The following XKR9 variants were observed in gnomAD, a reference collection of about 807,000 sequenced individuals.
XKR9 encodes the protein XK related 9.
Under a neutral mutation model 32.0 loss-of-function variants are expected in XKR9, and 32 were observed. That is an observed-to-expected ratio of 1.00 (90% CI 0.76 to 1.34). The LOEUF (loss-of-function observed/expected upper bound fraction) is 1.34. Among genes scored for constraint, XKR9 ranks in the 40% most tolerant of loss-of-function variants. XKR9 has a pLI of 0.00. For missense variants in XKR9, 546 were observed against 429.7 expected, an observed-to-expected ratio of 1.27 and a Z score of -2.39; for synonymous variants, 168 against 143.4, an observed-to-expected ratio of 1.17 and a Z score of -1.22.
the XKR9 span, among the ~76,000 whole-genome samples, chr8:70,869,369 G>A: frequency 1.1e-4 from 16 of 152,298 alleles, no homozygotes; most frequent in South Asian, 3.3e-3. Flanking sequence ...ATGGCAGAAG[G>A]CAAGAAAGAG....
intron 4 of XKR9, among the ~76,000 whole-genome samples, chr8:70,710,417 C>G (rs1246452622): frequency 6.6e-6 from 1 of 152,074 alleles, no homozygotes; most frequent in Non-Finnish European, 1.5e-5. Flanking sequence ...AAAATGATTG[C>G]AGGCTGGGCA....
At chr8:71,048,087 G>A in the XKR9 span, among the ~76,000 whole-genome samples, 1 of 152,248 alleles carries the variant, frequency 6.6e-6, no homozygotes, top group East Asian at 1.9e-4. Context: ...CACATTCCGT[G>A]TGTGAGGGAG....
At chr8:70,813,416 G>A in the XKR9 span, among the ~76,000 whole-genome samples, 1 of 152,130 alleles carries the variant, frequency 6.6e-6, no homozygotes, top group African/African-American at 2.4e-5. Context: ...AAAAGCAATG[G>A]CAACAAAAAC....
At chr8:70,937,873 T>G in the XKR9 span, among the ~76,000 whole-genome samples, 1 of 152,238 alleles carries the variant, frequency 6.6e-6, no homozygotes, top group Non-Finnish European at 1.5e-5. Flanking sequence ...TCTACCATTT[T>G]ATTTTCCCAT....
chr8:70,762,423 T>G (rs544212541), intron 2 of XKR9, among the ~76,000 whole-genome samples: 1 of 152,296 alleles, frequency 6.6e-6, no homozygotes, highest in African/African-American at 2.4e-5. Context: ...CATTACCACC[T>G]GAGCTCCACC....
chr8:71,006,435 C>G, the XKR9 span, among the ~76,000 whole-genome samples: 1 of 152,156 alleles, frequency 6.6e-6, no homozygotes, highest in Non-Finnish European at 1.5e-5. Context: ...AAAGATTGGA[C>G]ACTCCTGCCT....
At chr8:70,802,926 G>C in the XKR9 span, among the ~76,000 whole-genome samples, 4 of 152,150 alleles carry the variant, frequency 2.6e-5, no homozygotes, top group African/African-American at 9.7e-5. Context: ...ATGACAATGT[G>C]GCTTGGGGGT....
intron 4 of XKR9, among the ~76,000 whole-genome samples, chr8:70,721,494 A>G (rs779200636): frequency 3.3e-5 from 5 of 152,098 alleles, no homozygotes; most frequent in Non-Finnish European, 7.4e-5. Flanking sequence ...AGATTCTGGT[A>G]TGTTGTGTCT....
the XKR9 span, among the ~76,000 whole-genome samples, chr8:70,900,909 T>A: frequency 6.6e-6 from 1 of 152,288 alleles, no homozygotes; most frequent in East Asian, 1.9e-4. Context: ...ACATGTGGTG[T>A]TTAGTTTTCT....
the XKR9 span, among the ~76,000 whole-genome samples, chr8:70,931,735 A>G: frequency 6.6e-6 from 1 of 152,198 alleles, no homozygotes; most frequent in Non-Finnish European, 1.5e-5. Context: ...GGGAGCAGGT[A>G]TATCATGTGG....
At chr8:71,003,446 CT>C in the XKR9 span, among the ~76,000 whole-genome samples, 22 of 149,690 alleles carry the variant, frequency 1.5e-4, no homozygotes, top group East Asian at 7.8e-4. Context: ...TTTTCAGTTT[CT>C]TTTTTTTTTC....
At chr8:70,903,081 G>T in the XKR9 span, among the ~76,000 whole-genome samples, 1 of 152,154 alleles carries the variant, frequency 6.6e-6, no homozygotes, top group East Asian at 1.9e-4. Context: ...GTTCATTAGG[G>T]ATATTGGTCT....
chr8:70,759,196 C>T lies in XKR9; in HGVS notation n.353-30143C>T, dbSNP rs543094946. On this transcript the variant is annotated intron_variant and non_coding_transcript_variant, in intron 2 of 3. Coordinates refer to the XKR9 transcript ENST00000520273. Reference sequence around the variant, plus strand: ...CTAGAATTTTCTTGCCAAATGTTTTCTATTTGGTAGAAAAGAATGCAAGCT... The same window carrying T: ...CTAGAATTTTCTTGCCAAATGTTTTTTATTTGGTAGAAAAGAATGCAAGCT... Among the ~76,000 whole-genome samples the T allele has an allele frequency of 2.0e-5, 3 of 152,218 alleles. No homozygotes were observed. The East Asian group carries it at 5.8e-4, about 29-fold the overall frequency.
chr8:70,939,430 T>C, the XKR9 span, among the ~76,000 whole-genome samples: 1,470 of 152,170 alleles, frequency 9.7e-3, 23 homozygotes, highest in African/African-American at 0.034. Context: ...TGCACAGGTA[T>C]TTCTCTTGAG....
chr8:70,957,959 T>A, the XKR9 span, among the ~76,000 whole-genome samples: 1 of 151,898 alleles, frequency 6.6e-6, no homozygotes, highest in Non-Finnish European at 1.5e-5. Flanking sequence ...GGCTACCTTT[T>A]GTATCTTTAG....
At chr8:70,923,440 G>T in the XKR9 span, among the ~76,000 whole-genome samples, 2 of 152,206 alleles carry the variant, frequency 1.3e-5, no homozygotes, top group Non-Finnish European at 1.5e-5. Flanking sequence ...GAACCTTGAT[G>T]TTACTCTGGA....
chr8:70,770,953 G>T (rs1466797468), intron 2 of XKR9, among the ~76,000 whole-genome samples: 3 of 152,172 alleles, frequency 2.0e-5, no homozygotes, highest in Admixed American at 6.5e-5. Context: ...AGGCACCACT[G>T]GGGTACAGAA....
chr8:70,876,054 G>C, the XKR9 span, among the ~76,000 whole-genome samples: 1 of 151,950 alleles, frequency 6.6e-6, no homozygotes, highest in African/African-American at 2.4e-5. Context: ...TTAAAACATT[G>C]GATTCTTAGA....
chr8:71,038,048 C>T, the XKR9 span, among the ~76,000 whole-genome samples: 3 of 152,118 alleles, frequency 2.0e-5, no homozygotes, highest in African/African-American at 4.8e-5. Flanking sequence ...GTATTTAGTA[C>T]AGAGTTTATA....
Sources: gnomAD v4.1 joint callset for allele counts (sites outside exome capture counted in the v4.1 genomes callset) on GRCh38, gnomAD v4.1.1 for gene constraint, MANE v1.5 for transcripts, NCBI Gene and HGNC (gene_info 2026-07-23, HGNC 2026-07-21) for gene names.